The following ZNF385D variants were observed in gnomAD, a reference collection of about 807,000 sequenced individuals.
ZNF385D encodes the protein zinc finger protein 385D.
A neutral mutation model predicts 35.8 loss-of-function variants in ZNF385D; 15 were observed. That is an observed-to-expected ratio of 0.42 (90% CI 0.28 to 0.64). ZNF385D has a LOEUF of 0.64. Ranked by LOEUF, ZNF385D falls within the 30% of genes least tolerant of loss-of-function variation. The probability of loss-of-function intolerance (pLI) is 0.23; values close to 1 mark genes in which losing one functional copy is unlikely to be tolerated. For synonymous variants in ZNF385D, 212 were observed against 186.8 expected (o/e 1.13, Z -1.10); for missense variants, 474 against 494.6 (o/e 0.96, Z 0.39).
chr3:21,665,168 A>G, intron 1 of ZNF385D, 140 bp from the exon 2 acceptor site: 1 of 1,148,078 alleles, frequency 8.7e-7, no homozygotes, highest in Non-Finnish European at 1.2e-6. Context: ...CTCAACTGGG[A>G]ACCGGCCAAT....
chr3:21,954,024 T>C (rs1702177794), intron 3 of ZNF385D, among the ~76,000 whole-genome samples: 1 of 152,030 alleles, frequency 6.6e-6, no homozygotes. Context: ...ATACTCAAAT[T>C]ACTTCTAATT....
intron 1 of ZNF385D, among the ~76,000 whole-genome samples, chr3:21,715,966 C>T (rs74765343): frequency 6.6e-6 from 1 of 152,126 alleles, no homozygotes; most frequent in Middle Eastern, 3.2e-3. Flanking sequence ...CTCTCAAAAT[C>T]ATCTTCATCT....
intron 3 of ZNF385D, among the ~76,000 whole-genome samples, chr3:22,031,615 T>TC (rs1698007847): frequency 6.6e-6 from 1 of 152,130 alleles, no homozygotes; most frequent in Non-Finnish European, 1.5e-5. Flanking sequence ...AACCATTTTT[T>TC]CCCTCCTATG....
At chr3:21,772,121 G>C (rs538007754) in intron 3 of ZNF385D, among the ~76,000 whole-genome samples, 3 of 151,808 alleles carry the variant, frequency 2.0e-5, no homozygotes, top group African/African-American at 4.8e-5. Flanking sequence ...GAAATATAAC[G>C]CTTCTAGAAG....
intron 3 of ZNF385D, among the ~76,000 whole-genome samples, chr3:22,122,685 T>C (rs58247663): frequency 0.11 from 16,387 of 152,068 alleles, 1,512 homozygotes; most frequent in African/African-American, 0.25. Flanking sequence ...AGAGTATATA[T>C]ATGGGGGAGG....
intron 1 of ZNF385D, among the ~76,000 whole-genome samples, chr3:21,683,876 C>T (rs2066995555): frequency 6.7e-6 from 1 of 150,114 alleles, no homozygotes; most frequent in Non-Finnish European, 1.5e-5. Context: ...ATTTGAGAAA[C>T]AGATTTTTAA....
intron 3 of ZNF385D, among the ~76,000 whole-genome samples, chr3:21,808,335 G>C (rs188690643): frequency 2.6e-5 from 4 of 152,256 alleles, no homozygotes; most frequent in Admixed American, 1.3e-4. Flanking sequence ...ACACCTTCTT[G>C]AATTTACCTT....
At chr3:21,636,391 TA>T (rs1383020416) in intron 2 of ZNF385D, among the ~76,000 whole-genome samples, 26 of 36,590 alleles carry the variant, frequency 7.1e-4, no homozygotes, top group Non-Finnish European at 9.3e-4. Flanking sequence ...TATATATATA[TA>T]TATATATATA....
chr3:22,115,208 A>T (rs1414248614), intron 3 of ZNF385D, among the ~76,000 whole-genome samples: 1 of 152,112 alleles, frequency 6.6e-6, no homozygotes, highest in Non-Finnish European at 1.5e-5. Context: ...ATCACCGAGC[A>T]GATTTGGTCA....
intron 5 of ZNF385D, among the ~76,000 whole-genome samples, chr3:21,426,183 C>T (rs566489372): frequency 2.0e-5 from 3 of 152,246 alleles, no homozygotes; most frequent in Non-Finnish European, 4.4e-5. Context: ...TACAAACAAG[C>T]TTTCGTGGCT....
chr3:22,182,032 T>C (rs895353932), intron 2 of ZNF385D, among the ~76,000 whole-genome samples: 2 of 152,264 alleles, frequency 1.3e-5, no homozygotes, highest in East Asian at 1.9e-4. Context: ...AGTTGAACGA[T>C]AGATGAAAAC....
chr3:21,899,001 AAT>A (rs774619191), intron 3 of ZNF385D, among the ~76,000 whole-genome samples: 8 of 152,254 alleles, frequency 5.3e-5, no homozygotes, highest in Non-Finnish European at 1.0e-4. Context: ...ATGAGATTAT[AAT>A]ATTCACATTA....
At chr3:21,422,206 A>G (rs1478822384) in intron 7 of ZNF385D, among the ~76,000 whole-genome samples, 1 of 152,184 alleles carries the variant, frequency 6.6e-6, no homozygotes, top group Non-Finnish European at 1.5e-5. Context: ...CTGTTTATTT[A>G]AGAACCATTC....
chr3:22,131,257 A>C (rs1176205599), intron 3 of ZNF385D, among the ~76,000 whole-genome samples: 1 of 152,170 alleles, frequency 6.6e-6, no homozygotes, highest in Non-Finnish European at 1.5e-5. Flanking sequence ...ACAGTCCGGT[A>C]AGATGAGGAC....
intron 1 of ZNF385D, among the ~76,000 whole-genome samples, chr3:21,722,510 C>T (rs1181389869): frequency 6.6e-6 from 1 of 152,198 alleles, no homozygotes; most frequent in Non-Finnish European, 1.5e-5. Context: ...CTAGGCTCCT[C>T]CTGCTAGAGG....
chr3:21,769,945 T>C (rs1361445341), intron 3 of ZNF385D, among the ~76,000 whole-genome samples: 2 of 152,058 alleles, frequency 1.3e-5, no homozygotes, highest in South Asian at 2.1e-4. Flanking sequence ...CATCTACAAC[T>C]ATCTGATCTT....
chr3:21,650,056 A>G (rs1322344876), intron 2 of ZNF385D, among the ~76,000 whole-genome samples: 1 of 152,188 alleles, frequency 6.6e-6, no homozygotes, highest in Non-Finnish European at 1.5e-5. Flanking sequence ...AGAAAAAAAA[A>G]ATTACAAACA....
At chr3:21,960,906 G>A (rs143888208) in intron 3 of ZNF385D, among the ~76,000 whole-genome samples, 21 of 152,076 alleles carry the variant, frequency 1.4e-4, no homozygotes, top group Non-Finnish European at 2.5e-4. Flanking sequence ...TAGAATCGTG[G>A]GTATTAGAGG....
In ZNF385D at chr3:21,427,155, C is replaced by T. The variant is rs544521526; in HGVS notation, c.674-1485G>A. 3.9e-5 allele frequency among the ~76,000 whole-genome samples: 6 copies of T among 152,112 alleles called. No homozygotes were observed. The East Asian group carries it at 1.2e-3, about 29-fold the overall frequency. ...TGCTTTCCACTGCAGCTGCAAATGA[C>T]ATAAGTGGGAGCTGAAGATGACATA... is the stretch of plus-strand genomic sequence containing the variant. On this transcript the variant is annotated intron_variant, in intron 5 of 7. Transcript: ENST00000281523.
Sources: gnomAD v4.1 joint callset for allele counts (sites outside exome capture counted in the v4.1 genomes callset) on GRCh38, gnomAD v4.1.1 for gene constraint, MANE v1.5 for transcripts, NCBI Gene and HGNC (gene_info 2026-07-23, HGNC 2026-07-21) for gene names.